Variants in GALNT17 observed in about 807,000 individuals in gnomAD.
The protein encoded by GALNT17 is polypeptide N-acetylgalactosaminyltransferase 17.
Under a neutral mutation model 63.7 loss-of-function variants are expected in GALNT17, and 29 were observed. That is an observed-to-expected ratio of 0.46 (90% CI 0.34 to 0.62). GALNT17 has a LOEUF of 0.62. Among genes scored for constraint, GALNT17 ranks in the 20% least tolerant of loss-of-function variants. The probability of loss-of-function intolerance (pLI) is 0.01; values close to 1 mark genes in which losing one functional copy is unlikely to be tolerated. For missense variants in GALNT17, 603 were observed against 799.6 expected (o/e 0.75, Z 2.97); for synonymous variants, 305 against 318.3 (o/e 0.96, Z 0.45).
chr7:71,329,919 G>GTA (rs1563007505), intron 1 of GALNT17, among the ~76,000 whole-genome samples: 24 of 43,566 alleles, frequency 5.5e-4, no homozygotes, highest in Admixed American at 1.9e-3. Flanking sequence ...ATATATGTAT[G>GTA]TGTGTGTGTG....
intron 1 of GALNT17, among the ~76,000 whole-genome samples, chr7:71,248,097 C>T (rs530114496): frequency 1.7e-4 from 26 of 152,190 alleles, no homozygotes; most frequent in East Asian, 9.7e-4. Flanking sequence ...CTCACAGCTC[C>T]GCATGTCTGG....
intron 5 of GALNT17, among the ~76,000 whole-genome samples, chr7:71,546,855 G>T (rs1253212098): frequency 1.3e-5 from 2 of 152,148 alleles, no homozygotes; most frequent in African/African-American, 4.8e-5. Context: ...GGGCACCATG[G>T]TTAGGCCATT....
chr7:71,656,721 G>A (rs1790833575), intron 6 of GALNT17, among the ~76,000 whole-genome samples: 1 of 152,170 alleles, frequency 6.6e-6, no homozygotes. Flanking sequence ...TTGAGCTGTA[G>A]TGAAGAGGCA....
chr7:71,341,934 TGGATGCAGGA>T (rs1183120546), intron 2 of GALNT17, among the ~76,000 whole-genome samples: 1 of 152,126 alleles, frequency 6.6e-6, no homozygotes, highest in African/African-American at 2.4e-5. Context: ...GAGGCTCCTG[TGGATGCAGGA>T]GGATGCAGGG....
At chr7:71,629,220 G>C (rs187919330) in intron 6 of GALNT17, among the ~76,000 whole-genome samples, 2 of 152,066 alleles carry the variant, frequency 1.3e-5, no homozygotes, top group African/African-American at 4.8e-5. Context: ...GAGTGAGGGG[G>C]CAGAGGAATA....
intron 1 of GALNT17, among the ~76,000 whole-genome samples, chr7:71,273,791 G>A (rs141125154): frequency 2.0e-5 from 3 of 151,980 alleles, no homozygotes; most frequent in African/African-American, 7.2e-5. Context: ...TTTAACTGTT[G>A]GTCAAATACA....
intron 2 of GALNT17, among the ~76,000 whole-genome samples, chr7:71,366,087 A>G (rs1240039020): frequency 1.3e-5 from 2 of 152,070 alleles, no homozygotes; most frequent in African/African-American, 2.4e-5. Context: ...TCTTACGAGA[A>G]TCTAATGCTG....
intron 5 of GALNT17, among the ~76,000 whole-genome samples, chr7:71,476,240 TGA>T (rs1464488335): frequency 1.3e-5 from 2 of 152,178 alleles, no homozygotes; most frequent in African/African-American, 4.8e-5. Context: ...CTGTTAGCTG[TGA>T]GAGTGCGAAG....
intron 1 of GALNT17, among the ~76,000 whole-genome samples, chr7:71,316,226 G>GTTCT (rs1791496600): frequency 3.1e-5 from 4 of 130,218 alleles, no homozygotes; most frequent in African/African-American, 9.5e-5. Flanking sequence ...CTGATCTGTG[G>GTTCT]GTCTGATCAG....
At chr7:71,141,034 A>C (rs77051801) in intron 1 of GALNT17, among the ~76,000 whole-genome samples, 2 of 119,474 alleles carry the variant, frequency 1.7e-5, no homozygotes, top group East Asian at 2.7e-4. Context: ...CTAAAAAAAA[A>C]CCCCCAAACC....
intron 1 of GALNT17, among the ~76,000 whole-genome samples, chr7:71,279,149 T>C (rs922297160): frequency 6.6e-6 from 1 of 151,984 alleles, no homozygotes; most frequent in Admixed American, 6.6e-5. Flanking sequence ...GGTCTCGATC[T>C]CCTTACCTCG....
At chr7:71,374,601 G>C (rs1030477518) in intron 2 of GALNT17, among the ~76,000 whole-genome samples, 16 of 152,316 alleles carry the variant, frequency 1.1e-4, no homozygotes, top group African/African-American at 3.8e-4. Flanking sequence ...TCTTGAGTGG[G>C]AAAAACTTCA....
At chr7:71,553,212 G>A (rs941812793) in intron 5 of GALNT17, among the ~76,000 whole-genome samples, 1 of 151,864 alleles carries the variant, frequency 6.6e-6, no homozygotes, top group Non-Finnish European at 1.5e-5. Flanking sequence ...CTGTAGTCCC[G>A]GCTACTTTGG....
chr7:71,490,991 C>G (rs932280315), intron 5 of GALNT17, among the ~76,000 whole-genome samples: 1 of 152,046 alleles, frequency 6.6e-6, no homozygotes, highest in Admixed American at 6.6e-5. Context: ...GTTGGGAATT[C>G]GAGACCAGCC....
rs775370808 is a variant in GALNT17 at position 71,415,921 on chromosome 7, C to G, written c.622C>G (p.His208Asp). The G allele has an allele frequency of 1.2e-6, 2 of 1,612,326 alleles. No individual in the cohort carries two copies. The highest frequency in any genetic ancestry group is 1.7e-6 in the Non-Finnish European group (2 of 1,179,232). The change falls in exon 4 of 11, where the codon CAC becomes GAC. Residue 208 changes from histidine (H) to aspartate (D), a missense_variant. His to Asp is a moderately conservative substitution (Grantham distance 81, BLOSUM62 -1). Transcript: ENST00000333538. Reference sequence around the variant, plus strand: ...GAAGGTCCCCCTAGAGGAGTATGTCCACAAACGCTACCCCGGGCTGGTGAA... The same window carrying G: ...GAAGGTCCCCCTAGAGGAGTATGTCGACAAACGCTACCCCGGGCTGGTGAA... Reference protein sequence around the residue: ...ELKVPLEEYVHKRYPGLVKVV... With the variant: ...ELKVPLEEYVDKRYPGLVKVV...
chr7:71,433,300 C>T (rs1390296043), intron 5 of GALNT17, among the ~76,000 whole-genome samples: 2 of 152,100 alleles, frequency 1.3e-5, no homozygotes. Context: ...AAAAACCAAC[C>T]AGGGGAGACA....
At chr7:71,581,112 G>A (rs889048538) in intron 6 of GALNT17, among the ~76,000 whole-genome samples, 2 of 152,142 alleles carry the variant, frequency 1.3e-5, no homozygotes, top group Non-Finnish European at 2.9e-5. Flanking sequence ...TTAGCTGGTG[G>A]CAGGAGAGAG....
intron 2 of GALNT17, among the ~76,000 whole-genome samples, chr7:71,337,980 G>A (rs11770205): frequency 0.33 from 49,650 of 151,764 alleles, 8,925 homozygotes; most frequent in Non-Finnish European, 0.4. Flanking sequence ...TGGGCAGATC[G>A]CTTGAGCCCA....
At chr7:71,247,416 A>G (rs925733399) in intron 1 of GALNT17, among the ~76,000 whole-genome samples, 3 of 152,238 alleles carry the variant, frequency 2.0e-5, no homozygotes, top group South Asian at 2.1e-4. Context: ...AAAGTCCACA[A>G]ATAACTTCAG....
Sources: gnomAD v4.1 joint callset for allele counts (sites outside exome capture counted in the v4.1 genomes callset) on GRCh38, gnomAD v4.1.1 for gene constraint, MANE v1.5 for transcripts, NCBI Gene and HGNC (gene_info 2026-07-23, HGNC 2026-07-21) for gene names.